Variants in PAPPA2 observed in about 807,000 individuals in gnomAD.
The protein encoded by PAPPA2 is pappalysin-2.
A neutral mutation model predicts 176.4 loss-of-function variants in PAPPA2; 86 were observed. That is an observed-to-expected ratio of 0.49 (90% CI 0.41 to 0.58). The LOEUF (loss-of-function observed/expected upper bound fraction) is 0.58. PAPPA2 is among the 20% of genes least tolerant of loss of function. PAPPA2 has a pLI of 0.00. For synonymous variants in PAPPA2, 809 were observed against 852.2 expected, an observed-to-expected ratio of 0.95 and a Z score of 0.88; for missense variants, 2,073 against 2,256.9, an observed-to-expected ratio of 0.92 and a Z score of 1.65.
At chr1:176,774,346 G>C (rs1272846665) in intron 17 of PAPPA2, among the ~76,000 whole-genome samples, 2 of 152,072 alleles carry the variant, frequency 1.3e-5, no homozygotes, top group Non-Finnish European at 2.9e-5. Flanking sequence ...AACTGCCTAT[G>C]GATATTGCTG....
chr1:176,791,530 A>T, intron 19 of PAPPA2, 48 bp downstream of exon 19: 1 of 1,567,474 alleles, frequency 6.4e-7, no homozygotes, highest in Non-Finnish European at 8.7e-7. Flanking sequence ...TCATTCTTTT[A>T]TTAAGCACAG....
chr1:176,692,091 C>T, intron 5 of PAPPA2, 35 bp from the exon 6 acceptor site: 1 of 1,571,006 alleles, frequency 6.4e-7, no homozygotes, highest in East Asian at 2.3e-5. Flanking sequence ...GGGTTAAAAT[C>T]TCCATCTCTT....
At chr1:176,788,708 TG>T (rs1665047761) in intron 17 of PAPPA2, among the ~76,000 whole-genome samples, 5 of 152,280 alleles carry the variant, frequency 3.3e-5, no homozygotes, top group Admixed American at 3.3e-4. Context: ...GGACCATGTC[TG>T]GGCATGAGAA....
chr1:176,695,249 T>TTACA (rs1338866564), intron 6 of PAPPA2, among the ~76,000 whole-genome samples: 2 of 152,188 alleles, frequency 1.3e-5, no homozygotes, highest in Non-Finnish European at 2.9e-5. Flanking sequence ...CCAAGAGACA[T>TTACA]TACATTTCAC....
At chr1:176,540,121 T>C (rs1406530982) in intron 1 of PAPPA2, among the ~76,000 whole-genome samples, 4 of 152,216 alleles carry the variant, frequency 2.6e-5, no homozygotes, top group Non-Finnish European at 1.5e-5. Flanking sequence ...CATGGTTTCA[T>C]ACTTGTTTTT....
chr1:176,603,967 A>G (rs1023422501), intron 3 of PAPPA2, among the ~76,000 whole-genome samples: 2 of 152,214 alleles, frequency 1.3e-5, no homozygotes, highest in East Asian at 1.9e-4. Context: ...CTATAGGGTC[A>G]TATAGCATCA....
chr1:176,643,581 C>T (rs1657221010), intron 3 of PAPPA2, among the ~76,000 whole-genome samples: 1 of 151,622 alleles, frequency 6.6e-6, no homozygotes. Context: ...CTTTCAGAAT[C>T]TATCAGTGGT....
chr1:176,829,362 G>A (rs1338480991), intron 21 of PAPPA2, among the ~76,000 whole-genome samples: 3 of 152,258 alleles, frequency 2.0e-5, no homozygotes, highest in Middle Eastern at 6.8e-3. Flanking sequence ...GCATACGGTC[G>A]TTTCCTCCCA....
intron 3 of PAPPA2, among the ~76,000 whole-genome samples, chr1:176,598,985 C>A (rs1654137219): frequency 2.0e-5 from 3 of 152,046 alleles, no homozygotes; most frequent in African/African-American, 7.2e-5. Context: ...TTTGAAAATG[C>A]ACTTCTCAGA....
At chr1:176,780,730 CAT>C (rs1477756065) in intron 17 of PAPPA2, among the ~76,000 whole-genome samples, 2 of 152,144 alleles carry the variant, frequency 1.3e-5, no homozygotes, top group East Asian at 3.9e-4. Flanking sequence ...AATAAATAGG[CAT>C]ATTCTCGGTG....
At chr1:176,683,525 G>A (rs1314635661) in intron 4 of PAPPA2, among the ~76,000 whole-genome samples, 1 of 152,076 alleles carries the variant, frequency 6.6e-6, no homozygotes, top group Non-Finnish European at 1.5e-5. Flanking sequence ...TCTATTTTGA[G>A]CCCCCATGCT....
intron 14 of PAPPA2, among the ~76,000 whole-genome samples, chr1:176,761,895 A>G (rs747264820): frequency 1.3e-5 from 2 of 152,260 alleles, no homozygotes. Flanking sequence ...TCCAAAGATC[A>G]TAAGAAGAAA....
chr1:176,623,610 C>CTTACTTTCTTTCTTT (rs1558479000), intron 3 of PAPPA2, among the ~76,000 whole-genome samples: 1 of 95,574 alleles, frequency 1.0e-5, no homozygotes. Context: ...TTCCTTCCTT[C>CTTACTTTCTTTCTTT]CTTCCTTCCT....
intron 3 of PAPPA2, among the ~76,000 whole-genome samples, chr1:176,628,595 A>C (rs1321572095): frequency 1.3e-5 from 2 of 152,190 alleles, no homozygotes; most frequent in Non-Finnish European, 2.9e-5. Context: ...TTACTATTGG[A>C]TATTTTCTTT....
At chr1:176,597,290 T>C (rs1654039231) in intron 3 of PAPPA2, among the ~76,000 whole-genome samples, 1 of 152,234 alleles carries the variant, frequency 6.6e-6, no homozygotes, top group South Asian at 2.1e-4. Flanking sequence ...TATTTTCAGA[T>C]TATTTTGTGA....
intron 3 of PAPPA2, among the ~76,000 whole-genome samples, chr1:176,634,970 GA>G (rs1558487065): frequency 2.9e-5 from 2 of 69,360 alleles, no homozygotes; most frequent in African/African-American, 1.0e-4. Context: ...TAGATAAATA[GA>G]TAGATAGATA....
At chr1:176,649,655 G>A (rs1487387991) in intron 3 of PAPPA2, among the ~76,000 whole-genome samples, 1 of 151,264 alleles carries the variant, frequency 6.6e-6, no homozygotes, top group African/African-American at 2.4e-5. Context: ...TTTCTTCATT[G>A]ATGTAATGGT....
intron 20 of PAPPA2, among the ~76,000 whole-genome samples, chr1:176,798,368 T>C (rs1343621459): frequency 6.6e-6 from 1 of 152,156 alleles, no homozygotes; most frequent in Admixed American, 6.5e-5. Flanking sequence ...ATCTGACCCA[T>C]AGTGAGTGAG....
At chr1:176,565,715 C>T (rs903326180) in intron 2 of PAPPA2, among the ~76,000 whole-genome samples, 3 of 152,192 alleles carry the variant, frequency 2.0e-5, no homozygotes, top group African/African-American at 7.2e-5. Context: ...AAATGGGCTT[C>T]TGCGACATCA....
Sources: gnomAD v4.1 joint callset for allele counts (sites outside exome capture counted in the v4.1 genomes callset) on GRCh38, gnomAD v4.1.1 for gene constraint, MANE v1.5 for transcripts, NCBI Gene and HGNC (gene_info 2026-07-23, HGNC 2026-07-21) for gene names.